The following BNIP2 variants were observed in gnomAD, a reference collection of about 807,000 sequenced individuals.
The protein encoded by BNIP2 is BCL2 interacting protein 2, also known as BCL2/adenovirus E1B 19 kDa protein-interacting protein 2.
A neutral mutation model predicts 43.4 loss-of-function variants in BNIP2; 36 were observed. The observed-to-expected ratio is 0.83, with a 90% CI of 0.64 to 1.10. The LOEUF (loss-of-function observed/expected upper bound fraction) is 1.10. Ranked by LOEUF, BNIP2 falls within the 50% of genes least tolerant of loss-of-function variation. The probability of loss-of-function intolerance (pLI) is 0.00; values close to 1 mark genes in which losing one functional copy is unlikely to be tolerated. For synonymous variants in BNIP2, 146 were observed against 121.0 expected, an observed-to-expected ratio of 1.21 and a Z score of -1.35; for missense variants, 417 against 374.1, an observed-to-expected ratio of 1.11 and a Z score of -0.95.
chr15:59,679,860 G>A (rs2142011591), intron 3 of BNIP2, 92 bp from the exon 4 acceptor site: 1 of 1,110,802 alleles, frequency 9.0e-7, no homozygotes, highest in South Asian at 2.0e-5. Context: ...CCATTCTTGG[G>A]AAAAAATAAT....
chr15:59,683,837 G>A (rs1201435817), intron 1 of BNIP2, among the ~76,000 whole-genome samples: 10 of 152,148 alleles, frequency 6.6e-5, no homozygotes, highest in Non-Finnish European at 1.5e-4. Context: ...AGGGTGAAAT[G>A]CAGAAAATGA....
chr15:59,664,356 CT>C (rs1892440061), intron 9 of BNIP2, among the ~76,000 whole-genome samples: 1 of 152,088 alleles, frequency 6.6e-6, no homozygotes, highest in Non-Finnish European at 1.5e-5. Context: ...TTATAAAATA[CT>C]TTACATACAA....
intron 9 of BNIP2, among the ~76,000 whole-genome samples, chr15:59,665,163 C>G (rs2141985126): frequency 6.6e-6 from 1 of 151,910 alleles, no homozygotes; most frequent in South Asian, 2.1e-4. Flanking sequence ...ACTTGGGAGG[C>G]TGAGGTAGGA....
chr15:59,680,337 C>T (rs1893587866), intron 2 of BNIP2, 29 bp from the exon 3 acceptor site: 1 of 1,534,916 alleles, frequency 6.5e-7, no homozygotes, highest in Middle Eastern at 1.7e-4. Flanking sequence ...CTTTTTAATC[C>T]AGAAATTAAG....
At position 59,684,015 on chromosome 15, in the gene BNIP2, C is replaced by T. The variant is rs190842937; in HGVS notation, c.-57-1501G>A. 6.2e-4 allele frequency among the ~76,000 whole-genome samples: 94 copies of T among 152,260 alleles called. 3 individuals carry two copies. The Middle Eastern group carries it at 0.01, about 17-fold the overall frequency. On this transcript the variant is annotated intron_variant, in intron 1 of 9. Coordinates refer to ENST00000607373, the MANE Select transcript of BNIP2 (RefSeq NM_004330.4). ...TGTCCTATAGCTATCTTATCTGCTA[C>T]GTCAACATTCAAAAGATGCACAAAG...
Position 59,663,812 on chromosome 15 carries a change from T to C in BNIP2, c.*257A>G, listed in dbSNP as rs1388860168. The stretch of plus-strand genomic sequence containing the variant: ...AATGCAAAAACTACTTTATATAAAG[T>C]GTGGTTCTCTATTTAGCAATATAAA... On this transcript the variant is annotated 3_prime_UTR_variant, in exon 10 of 10. Transcript: ENST00000607373. The C allele has an allele frequency of 3.3e-6, 1 of 306,170 alleles. No individual in the cohort carries two copies. The highest frequency in any genetic ancestry group is 2.2e-5 in the African/African-American group (1 of 46,412). 19.0% of individuals were successfully genotyped at this position (306,170 alleles called of 1,614,324 possible). A position where few individuals can be genotyped will look rare whatever the true frequency, so the allele number is the denominator to read the frequency against.
At chr15:59,681,842 C>G (rs1893695442) in intron 2 of BNIP2, among the ~76,000 whole-genome samples, 1 of 152,088 alleles carries the variant, frequency 6.6e-6, no homozygotes, top group Non-Finnish European at 1.5e-5. Flanking sequence ...CAAAACAAAA[C>G]AAACAAACCA....
At chr15:59,672,570 T>C in intron 6 of BNIP2, 67 bp downstream of exon 6, 1 of 1,199,120 alleles carries the variant, frequency 8.3e-7, no homozygotes, top group Non-Finnish European at 1.2e-6. Context: ...AAAGGTTAAG[T>C]TTCTTAAGGT....
chr15:59,675,537 G>A (rs765480757), intron 5 of BNIP2, among the ~76,000 whole-genome samples: 7 of 152,024 alleles, frequency 4.6e-5, no homozygotes, highest in Non-Finnish European at 5.9e-5. Context: ...TTGAACCGAG[G>A]AGGCAGAGGT....
At position 59,680,327 on chromosome 15, in the gene BNIP2, CT is replaced by C; in HGVS notation, c.51-20del. On this transcript the variant is annotated intron_variant, in intron 2 of 9. Coordinates refer to ENST00000607373, the MANE Select transcript of BNIP2 (RefSeq NM_004330.4). Reference sequence around the variant, plus strand: ...TAAAGGTCTAGAAGACACAGGCATACTTTTTAATCCAGAAATTAAGAAAGAA... The same window carrying C: ...TAAAGGTCTAGAAGACACAGGCATACTTTTAATCCAGAAATTAAGAAAGAA... The C allele has an allele frequency of 6.4e-7, 1 of 1,560,616 alleles. No homozygotes were observed. The highest frequency in any genetic ancestry group is 1.2e-5 in the South Asian group (1 of 83,444).
chr15:59,683,875 A>G lies in BNIP2; in HGVS notation c.-57-1361T>C, dbSNP rs1595708064. Among the ~76,000 whole-genome samples, 4 of 152,338 alleles carry G rather than the reference A, an allele frequency of 2.6e-5. No homozygotes were observed. The South Asian group carries it at 8.3e-4, about 32-fold the overall frequency. ...AATGCTTTTCATAGTAAGTCCGTCT[A>G]TACCATTTGATTTTTAAAACAATAC... On this transcript the variant is annotated intron_variant, in intron 1 of 9. Coordinates refer to ENST00000607373, the MANE Select transcript of BNIP2 (RefSeq NM_004330.4).
Position 59,663,668 on chromosome 15 carries a change from A to G in BNIP2, c.*401T>C, listed in dbSNP as rs1489952412. 1 of 154,208 alleles carries G rather than the reference A, an allele frequency of 6.5e-6. No homozygotes were observed. 9.6% of individuals were successfully genotyped at this position (154,208 alleles called of 1,614,324 possible). A position where few individuals can be genotyped will look rare whatever the true frequency, so the allele number is the denominator to read the frequency against. The stretch of plus-strand genomic sequence containing the variant: ...TCTTATATACCTGCATATTTCTTCC[A>G]TAAGACAGGTACACATTAAAAAATA... On this transcript the variant is annotated 3_prime_UTR_variant, in exon 10 of 10. Coordinates refer to ENST00000607373, the MANE Select transcript of BNIP2 (RefSeq NM_004330.4).
Position 59,687,824 on chromosome 15 carries a change from G to A in BNIP2, c.-58+1311C>T, listed in dbSNP as rs572571922. The stretch of plus-strand genomic sequence containing the variant: ...CATCCATCATCTCATGTTCCAACCA[G>A]CAACTTTGGGATGCATGACACTTGT... On this transcript the variant is annotated intron_variant, in intron 1 of 9. Transcript: ENST00000607373. Among the ~76,000 whole-genome samples the A allele has an allele frequency of 3.3e-5, 5 of 152,216 alleles. No individual in the cohort carries two copies. In the South Asian group the frequency reaches 1.0e-3, roughly 32 times the overall value.
chr15:59,677,158 A>C (rs902558918), intron 5 of BNIP2: 1 of 1,591,522 alleles, frequency 6.3e-7, no homozygotes, highest in Non-Finnish European at 8.6e-7. Context: ...AAGGTGATTT[A>C]CTACCTCTGC....
chr15:59,668,063 G>A (rs1274443391), intron 9 of BNIP2: 2 of 1,240,816 alleles, frequency 1.6e-6, no homozygotes, highest in African/African-American at 1.6e-5. Flanking sequence ...CAATGCAAAT[G>A]GACTAGTCTA....
intron 4 of BNIP2, chr15:59,678,482 A>T: frequency 9.4e-7 from 1 of 1,064,776 alleles, no homozygotes; most frequent in Non-Finnish European, 1.1e-6. Context: ...TCTGGGAGCC[A>T]ATTTTGTTGT....
chr15:59,665,997 C>G (rs1400421663), intron 9 of BNIP2, among the ~76,000 whole-genome samples: 1 of 152,046 alleles, frequency 6.6e-6, no homozygotes, highest in Non-Finnish European at 1.5e-5. Flanking sequence ...ATAAGGCATG[C>G]AAAATATATC....
chr15:59,664,436 C>G (rs1892446410), intron 9 of BNIP2, among the ~76,000 whole-genome samples: 1 of 152,030 alleles, frequency 6.6e-6, no homozygotes, highest in African/African-American at 2.4e-5. Flanking sequence ...GGCTGGAGTG[C>G]AGTGGCACAA....
intron 8 of BNIP2, 64 bp downstream of exon 8, chr15:59,669,212 T>A (rs1182561750): frequency 5.1e-6 from 6 of 1,181,964 alleles, no homozygotes; most frequent in Non-Finnish European, 7.1e-6. Flanking sequence ...ATAGTTATTA[T>A]GTGTTAACTA....
Sources: gnomAD v4.1 joint callset for allele counts (sites outside exome capture counted in the v4.1 genomes callset) on GRCh38, gnomAD v4.1.1 for gene constraint, MANE v1.5 for transcripts, NCBI Gene and HGNC (gene_info 2026-07-23, HGNC 2026-07-21) for gene names.